FNDC5: variants seen among roughly 807,000 people sequenced by gnomAD.
FNDC5 encodes fibronectin type III domain containing 5, also known as fibronectin type III domain-containing protein 5.
Under a neutral mutation model 24.6 loss-of-function variants are expected in FNDC5, and 10 were observed. The ratio of observed to expected loss-of-function variants is 0.41; its 90% CI spans 0.25 to 0.69. The LOEUF is 0.69. Ranked by LOEUF, FNDC5 falls within the 30% of genes least tolerant of loss-of-function variation. FNDC5 has a pLI of 0.34. For missense variants in FNDC5, 226 were observed against 282.9 expected, an observed-to-expected ratio of 0.80 and a Z score of 1.44; for synonymous variants, 90 against 110.7, an observed-to-expected ratio of 0.81 and a Z score of 1.18.
chr1:32,871,431 C>T (rs558945146), upstream of FNDC5, among the ~76,000 whole-genome samples: 25 of 152,328 alleles, frequency 1.6e-4, no homozygotes, highest in Middle Eastern at 3.4e-3. Flanking sequence ...GCTGCTCTGT[C>T]TCACTGGAGA....
chr1:32,868,196 T>G lies in FNDC5; in HGVS notation c.403A>C (p.Asn135His). ...AACAGTGACCCGGGCCTGCCTTTGT[T>G]CTTGGAGGCCATCTTCTCAGCCTCA... Residue 135 changes from asparagine to histidine, a missense_variant, in exon 3 of 6, where the codon AAC becomes CAC. By Grantham distance (68) the Asn-to-His change is moderately conservative. Coordinates refer to ENST00000373471, the MANE Select transcript of FNDC5 (RefSeq NM_153756.3). This position sits in a 1 kb window ranked among gnomAD's most constrained non-coding sequence, Gnocchi z 4.8. The G allele has an allele frequency of 6.2e-7, 1 of 1,614,050 alleles. No individual in the cohort carries two copies. The highest frequency in any genetic ancestry group is 8.5e-7 in the Non-Finnish European group (1 of 1,180,012).
chr1:32,863,859 A>T lies in FNDC5; in HGVS notation c.*435T>A. 1 of 1,307,716 alleles carries T rather than the reference A, an allele frequency of 7.6e-7. No homozygotes were observed. Among genetic ancestry groups the T allele is most frequent in the Non-Finnish European group, 1.0e-6 (1 of 991,356 alleles). The allele number at this position is 1,307,716 out of a possible 1,614,324, so 81.0% of individuals were successfully genotyped here. A position where few individuals can be genotyped will look rare whatever the true frequency, so the allele number is the denominator to read the frequency against. On this transcript the variant is annotated 3_prime_UTR_variant, in exon 6 of 6. Transcript: ENST00000373471. The stretch of plus-strand genomic sequence containing the variant: ...AGGCTGGAAACAGGACAGAAGAAGG[A>T]AGGGAGCAGCAGCAGGGCTGTAGCC...
In FNDC5 at chr1:32,864,080, T is replaced by G; in HGVS notation, c.*214A>C. The G allele has an allele frequency of 2.7e-6, 4 of 1,467,110 alleles. No homozygotes were observed. The highest frequency in any genetic ancestry group is 1.8e-6 in the Non-Finnish European group (2 of 1,108,226). The allele number at this position is 1,467,110 out of a possible 1,614,324, so 90.9% of individuals were successfully genotyped here. The stretch of plus-strand genomic sequence containing the variant: ...CTGAGTGCAGCCTCAGCCACTGACA[T>G]TGTTGAGGTGCTTCTGGAGATGGGA... On this transcript the variant is annotated 3_prime_UTR_variant, in exon 6 of 6. Coordinates refer to ENST00000373471, the MANE Select transcript of FNDC5 (RefSeq NM_153756.3).
Position 32,863,567 on chromosome 1 carries a change from A to T in FNDC5, c.*727T>A. On this transcript the variant is annotated 3_prime_UTR_variant, in exon 6 of 6. Coordinates refer to ENST00000373471, the MANE Select transcript of FNDC5 (RefSeq NM_153756.3). The stretch of plus-strand genomic sequence containing the variant: ...GTGGCTTATTTTTATTTTTTTGCAG[A>T]ATTTGGGTTTGTAGTGCAGCCTCCT... 1 of 564,518 alleles carries T rather than the reference A, an allele frequency of 1.8e-6. No homozygotes were observed. The highest frequency in any genetic ancestry group is 2.8e-6 in the Non-Finnish European group (1 of 359,088). 35.0% of individuals were successfully genotyped at this position (564,518 alleles called of 1,614,324 possible).
At chr1:32,869,032 C>T (rs779696244) in intron 1 of FNDC5, 35 bp from the exon 2 acceptor site, 21 of 1,172,110 alleles carry the variant, frequency 1.8e-5, no homozygotes, top group Non-Finnish European at 2.3e-5. Flanking sequence ...CCTGAGCATC[C>T]CCTATTGTGA....
intron 1 of FNDC5, among the ~76,000 whole-genome samples, 196 bp downstream of exon 1, chr1:32,870,457 C>A (rs958840528): frequency 9.2e-5 from 14 of 151,914 alleles, no homozygotes; most frequent in Middle Eastern, 3.4e-3. Flanking sequence ...GCTGAGGTGA[C>A]AGGGGAGATT....
Position 32,864,763 on chromosome 1 carries a change from G to A in FNDC5, c.534C>T (p.Ile178=). ...TGTTATTGGGTTCATTGTCCTTGATGATGTCATACTGGCGGCAGAAGAGGG... is the reference window on the plus strand; with the variant it reads ...TGTTATTGGGTTCATTGTCCTTGATAATGTCATACTGGCGGCAGAAGAGGG... The change falls in exon 5 of 6, where the codon ATC becomes ATT. Residue 178 remains isoleucine (I), a synonymous_variant. Transcript: ENST00000373471. 1 of 1,614,216 alleles carries A rather than the reference G, an allele frequency of 6.2e-7. No homozygotes were observed. Among genetic ancestry groups the A allele is most frequent in the Non-Finnish European group, 8.5e-7 (1 of 1,180,046 alleles).
At chr1:32,864,932 C>T in intron 4 of FNDC5, 135 bp from the exon 5 acceptor site, 11 of 1,333,474 alleles carry the variant, frequency 8.2e-6, no homozygotes, top group African/African-American at 1.5e-5. Context: ...TCCCTCTGCC[C>T]TCTGGCTCCT....
In FNDC5 at chr1:32,867,992, G is replaced by C. The variant is rs562887636; in HGVS notation, c.410-150C>G. ...GCACTGATGGCTACTTGGGGTGGCAGTGATAGGACCAAGTCTAAAGGGAGT... is the reference window on the plus strand; with the variant it reads ...GCACTGATGGCTACTTGGGGTGGCACTGATAGGACCAAGTCTAAAGGGAGT... On this transcript the variant is annotated intron_variant, in intron 3 of 5. Coordinates refer to ENST00000373471, the MANE Select transcript of FNDC5 (RefSeq NM_153756.3). 9.0e-5 allele frequency: 92 copies of C among 1,019,482 alleles called. No individual in the cohort carries two copies. The South Asian group carries it at 1.2e-3, about 13-fold the overall frequency. 63.2% of individuals were successfully genotyped at this position (1,019,482 alleles called of 1,614,324 possible).
chr1:32,872,114 A>C (rs536048670), upstream of FNDC5, among the ~76,000 whole-genome samples: 66 of 152,288 alleles, frequency 4.3e-4, no homozygotes, highest in African/African-American at 1.5e-3. Flanking sequence ...CCCTGGTTTT[A>C]CATTAAGGAA....
In FNDC5 at chr1:32,864,745, G is replaced by C. The variant is rs769018609; in HGVS notation, c.552C>G (p.Pro184=). ...TCTTGGTTTTTTCCTTGTTGTTATT[G>C]GGTTCATTGTCCTTGATGATGTCAT... is the stretch of plus-strand genomic sequence containing the variant. Residue 184 remains proline, a synonymous_variant, in exon 5 of 6, where the codon CCC becomes CCG. Transcript: ENST00000373471. 1.2e-6 allele frequency: 2 copies of C among 1,614,154 alleles called. No homozygotes were observed. The highest frequency in any genetic ancestry group is 1.7e-6 in the Non-Finnish European group (2 of 1,180,022).
chr1:32,870,810 C>CAGCTCG lies in FNDC5; in HGVS notation c.-65_-64insCGAGCT. 2.9e-6 allele frequency: 2 copies of CAGCTCG among 699,590 alleles called. No homozygotes were observed. The allele number at this position is 699,590 out of a possible 1,614,324, so 43.3% of individuals were successfully genotyped here. A position where few individuals can be genotyped will look rare whatever the true frequency, so the allele number is the denominator to read the frequency against. On this transcript the variant is annotated 5_prime_UTR_variant, in exon 1 of 6. Transcript: ENST00000373471. ...GGGACGCGGCTCCGGCGCCCGGCGG[C>CAGCTCG]CGCTCGCGCTCGCGCTCCGGCCCCC... is the stretch of plus-strand genomic sequence containing the variant.
At chr1:32,865,764 T>C (rs1275249510) in intron 4 of FNDC5, among the ~76,000 whole-genome samples, 1 of 152,166 alleles carries the variant, frequency 6.6e-6, no homozygotes, top group African/African-American at 2.4e-5. Flanking sequence ...CACTGACATA[T>C]TCTATCTCAC....
At chr1:32,870,319 G>T (rs1569996466) in intron 1 of FNDC5, among the ~76,000 whole-genome samples, 1 of 152,164 alleles carries the variant, frequency 6.6e-6, no homozygotes, top group East Asian at 1.9e-4. Context: ...AGAGGCCCAG[G>T]TGGGGGAACT....
rs1383553409 is a variant in FNDC5, at chr1:32,870,833, C to T, written c.-87G>A. On this transcript the variant is annotated 5_prime_UTR_variant, in exon 1 of 6. Coordinates refer to ENST00000373471, the MANE Select transcript of FNDC5 (RefSeq NM_153756.3). ...GGCCGCTCGCGCTCGCGCTCCGGCC[C>T]CCGGCCCGGCCGGCCCGGCCGCTCC... The T allele has an allele frequency of 5.3e-6, 2 of 378,354 alleles. No homozygotes were observed. The highest frequency in any genetic ancestry group is 4.5e-5 in the African/African-American group (2 of 44,212). The allele number at this position is 378,354 out of a possible 1,614,324, so 23.4% of individuals were successfully genotyped here.
chr1:32,867,879 C>T, intron 3 of FNDC5, 37 bp from the exon 4 acceptor site: 1 of 1,599,196 alleles, frequency 6.3e-7, no homozygotes, highest in Non-Finnish European at 8.6e-7. Context: ...GCACTCCTTT[C>T]CTCCCTCAGC....
chr1:32,863,707 A>T lies in FNDC5; in HGVS notation c.*587T>A, dbSNP rs1391150247. On this transcript the variant is annotated 3_prime_UTR_variant, in exon 6 of 6. Transcript: ENST00000373471. ...GGGCCTGGGGACCAGCTGAGAAGAA[A>T]AATGGAATCCTTCTCCCTGCAGACA... 1 of 1,304,398 alleles carries T rather than the reference A, an allele frequency of 7.7e-7. No homozygotes were observed. The highest frequency in any genetic ancestry group is 1.5e-5 in the African/African-American group (1 of 65,978). The allele number at this position is 1,304,398 out of a possible 1,614,324, so 80.8% of individuals were successfully genotyped here.
rs887140558 is a variant in FNDC5, at chr1:32,870,386, A to C, written c.94+267T>G. On this transcript the variant is annotated intron_variant, in intron 1 of 5. Coordinates refer to ENST00000373471, the MANE Select transcript of FNDC5 (RefSeq NM_153756.3). ...GGGAGCTAGGGAAGCTGAGGCAAAG[A>C]CCTGGGGTTAGGGGAATGGGATTAG... Among the ~76,000 whole-genome samples the C allele has an allele frequency of 1.6e-4, 25 of 151,986 alleles. 1 individual carries two copies. The highest frequency in any genetic ancestry group is 1.6e-3 in the Admixed American group (24 of 15,282).
At position 32,868,427 on chromosome 1, in the gene FNDC5, G is replaced by T; in HGVS notation, c.211-39C>A. On this transcript the variant is annotated intron_variant, in intron 2 of 5. Transcript: ENST00000373471. This position sits in a 1 kb window ranked among gnomAD's most constrained non-coding sequence, Gnocchi z 4.8. ...CCGGTCACTGCTGTCAACACTCGGT[G>T]ACCAGCCCCGCTCCTGCCCACCTCC... 1.3e-6 allele frequency: 2 copies of T among 1,592,314 alleles called. No homozygotes were observed. The highest frequency in any genetic ancestry group is 1.1e-5 in the South Asian group (1 of 88,426).
Sources: gnomAD v4.1 joint callset for allele counts (sites outside exome capture counted in the v4.1 genomes callset) on GRCh38, gnomAD v4.1.1 for gene constraint, Gnocchi (gnomAD v3.1) non-coding constraint, MANE v1.5 for transcripts, NCBI Gene and HGNC (gene_info 2026-07-23, HGNC 2026-07-21) for gene names.